The following TAS2R4 variants were observed in gnomAD, a reference collection of about 807,000 sequenced individuals.
TAS2R4 encodes taste 2 receptor member 4, also known as taste receptor type 2 member 4.
In TAS2R4, 18 loss-of-function variants were observed where a neutral mutation model predicts 14.3. The observed-to-expected ratio is 1.26, with a 90% CI of 0.87 to 1.86. The LOEUF (loss-of-function observed/expected upper bound fraction) is 1.86. TAS2R4 is among the 40% of genes most tolerant of loss of function. The pLI is 0.00. For synonymous variants in TAS2R4, 130 were observed against 138.5 expected, an observed-to-expected ratio of 0.94 and a Z score of 0.43; for missense variants, 306 against 342.7, an observed-to-expected ratio of 0.89 and a Z score of 0.85.
rs1257792836 is a variant in TAS2R4, at chr7:141,780,685, G to A, written c.*1297G>A. On this transcript the variant is annotated 3_prime_UTR_variant, in exon 1 of 1. Transcript: ENST00000247881. The stretch of plus-strand genomic sequence containing the variant: ...GGCTCCAAAAGAACAACAGTCTGAA[G>A]ATGGGATGTTGACAAGTTTTGGAAT... 6.6e-6 allele frequency: 1 copy of A among 152,192 alleles called. No homozygotes were observed. The highest frequency in any genetic ancestry group is 1.5e-5 in the Non-Finnish European group (1 of 68,040). The allele number at this position is 152,192 out of a possible 1,614,324, so 9.4% of individuals were successfully genotyped here.
Position 141,779,422 on chromosome 7 carries a change from G to C in TAS2R4, c.*34G>C. The C allele has an allele frequency of 6.5e-7, 1 of 1,542,256 alleles. No homozygotes were observed. Among genetic ancestry groups the C allele is most frequent in the Non-Finnish European group, 8.7e-7 (1 of 1,143,366 alleles). ...CAGTAAACAATACCTAGATTTACCT[G>C]ATGGTTTGGGGGCAAGATTTTCTGT... On this transcript the variant is annotated 3_prime_UTR_variant, in exon 1 of 1. Coordinates refer to ENST00000247881, the MANE Select transcript of TAS2R4 (RefSeq NM_016944.2).
At position 141,778,132 on chromosome 7, in the gene TAS2R4, A is replaced by G. The variant is rs1438309803; in HGVS notation, c.-357A>G. On this transcript the variant is annotated 5_prime_UTR_variant, in exon 1 of 1. Coordinates refer to ENST00000247881, the MANE Select transcript of TAS2R4 (RefSeq NM_016944.2). ...TTTACCGTAAAACATTGACAGAAAC[A>G]TTGCTGGACTCAAGCTCTCTGGTTT... is the stretch of plus-strand genomic sequence containing the variant. Among the ~76,000 whole-genome samples the G allele has an allele frequency of 6.6e-6, 1 of 152,206 alleles. No individual in the cohort carries two copies. Among genetic ancestry groups the G allele is most frequent in the African/African-American group, 2.4e-5 (1 of 41,456 alleles).
At position 141,779,206 on chromosome 7, in the gene TAS2R4, A is replaced by G. The variant is rs139008992; in HGVS notation, c.718A>G (p.Ile240Val). Residue 240 changes from isoleucine to valine, a missense_variant, in exon 1 of 1, where the codon ATT becomes GTT. Transcript: ENST00000247881. ...GATGGTCTATTTCCTCATCCTCTAC[A>G]TTCCATATTCAGTTGCTACCCTGGT... is the stretch of plus-strand genomic sequence containing the variant. Reference protein sequence around the residue: ...KLMVYFLILYIPYSVATLVQY... With the variant: ...KLMVYFLILYVPYSVATLVQY... 57 of 1,614,078 alleles carry G rather than the reference A, an allele frequency of 3.5e-5. No individual in the cohort carries two copies. In the African/African-American group the frequency reaches 5.1e-4, roughly 14 times the overall value.
In TAS2R4 at chr7:141,781,630, A is replaced by G. The variant is rs1800321499; in HGVS notation, c.*2242A>G. ...AAGAAAAGTCTAAAAGGAAATATAT[A>G]AAAATGTAAACAGTAATTATTTTAG... On this transcript the variant is annotated 3_prime_UTR_variant, in exon 1 of 1. Transcript: ENST00000247881. Among the ~76,000 whole-genome samples, 1 of 151,598 alleles carries G rather than the reference A, an allele frequency of 6.6e-6. No individual in the cohort carries two copies. Among genetic ancestry groups the G allele is most frequent in the Admixed American group, 6.7e-5 (1 of 14,926 alleles).
At position 141,781,588 on chromosome 7, in the gene TAS2R4, A is replaced by G. The variant is rs1800321104; in HGVS notation, c.*2200A>G. ...GTGGTATAATACCATTTTTTTTGGT[A>G]AAAATGTGTACATATGAAGAAAAGT... On this transcript the variant is annotated 3_prime_UTR_variant, in exon 1 of 1. Transcript: ENST00000247881. Among the ~76,000 whole-genome samples the G allele has an allele frequency of 6.6e-6, 1 of 151,808 alleles. No homozygotes were observed. The highest frequency in any genetic ancestry group is 2.4e-5 in the African/African-American group (1 of 41,396).
chr7:141,781,170 T>G lies in TAS2R4; in HGVS notation c.*1782T>G, dbSNP rs946923185. Among the ~76,000 whole-genome samples the G allele has an allele frequency of 6.6e-6, 1 of 152,218 alleles. No individual in the cohort carries two copies. The highest frequency in any genetic ancestry group is 2.4e-5 in the African/African-American group (1 of 41,456). On this transcript the variant is annotated 3_prime_UTR_variant, in exon 1 of 1. Transcript: ENST00000247881. ...TTCGGAGCAGTCCTACCTTCCCTTCTTTAATCTTTTCTTTGTTACTCCCTC... is the reference window on the plus strand; with the variant it reads ...TTCGGAGCAGTCCTACCTTCCCTTCGTTAATCTTTTCTTTGTTACTCCCTC...
rs2233990 is a variant in TAS2R4 at position 141,777,872 on chromosome 7, A to G, written c.-617A>G. On this transcript the variant is annotated 5_prime_UTR_variant, in exon 1 of 1. Transcript: ENST00000247881. ...TTGAGAAAGGTTTTCTCAAGGAGGT[A>G]TTGGGTCTTTGAACTTGATCTATTA... 6.6e-3 allele frequency among the ~76,000 whole-genome samples: 1,009 copies of G among 152,324 alleles called. 11 individuals are homozygous for G. Among genetic ancestry groups the G allele is most frequent in the East Asian group, 0.024 (127 of 5,186 alleles).
rs993220708 is a variant in TAS2R4, at chr7:141,781,665, A to G, written c.*2277A>G. Among the ~76,000 whole-genome samples the G allele has an allele frequency of 1.3e-5, 2 of 152,120 alleles. No individual in the cohort carries two copies. The highest frequency in any genetic ancestry group is 4.8e-5 in the African/African-American group (2 of 41,436). On this transcript the variant is annotated 3_prime_UTR_variant, in exon 1 of 1. Transcript: ENST00000247881. Reference sequence around the variant, plus strand: ...ACAGTAATTATTTTAGGTGGGAGGAATCAATAAATTTTTTTGTGTATTTCA... The same window carrying G: ...ACAGTAATTATTTTAGGTGGGAGGAGTCAATAAATTTTTTTGTGTATTTCA...
chr7:141,778,556 T>C lies in TAS2R4; in HGVS notation c.68T>C (p.Met23Thr), dbSNP rs1321208837. ...ATTTTAAATTTTGTAGGAATCATTA[T>C]GAATCTGTTTATTACAGTGGTCAAT... ...SVILNFVGII[M>T]NLFITVVNCK... Residue 23 changes from methionine to threonine, a missense_variant, in exon 1 of 1, where the codon ATG becomes ACG. By Grantham distance (81) the Met-to-Thr change is moderately conservative. Coordinates refer to ENST00000247881, the MANE Select transcript of TAS2R4 (RefSeq NM_016944.2). 6.2e-7 allele frequency: 1 copy of C among 1,614,170 alleles called. No individual in the cohort carries two copies. Among genetic ancestry groups the C allele is most frequent in the Admixed American group, 1.7e-5 (1 of 60,014 alleles).
Position 141,776,968 on chromosome 7 carries a change from T to TTAC in TAS2R4, c.-1518_-1516dup, listed in dbSNP as rs1380116580. Among the ~76,000 whole-genome samples, 1 of 152,202 alleles carries TTAC rather than the reference T, an allele frequency of 6.6e-6. No homozygotes were observed. ...TATAGTACATTCTAGATAGAGTTTG[T>TTAC]TACTATCTAATTCTGGGATTCCTGC... is the stretch of plus-strand genomic sequence containing the variant. On this transcript the variant is annotated 5_prime_UTR_variant, in exon 1 of 1. Transcript: ENST00000247881.
At position 141,779,233 on chromosome 7, in the gene TAS2R4, C is replaced by T. The variant is rs370122253; in HGVS notation, c.745C>T (p.Gln249Ter). Residue 249 changes from glutamine (Q) to a stop codon, truncating the protein, a stop_gained, in exon 1 of 1, where the codon CAG (glutamine) becomes TAG (stop). Coordinates refer to ENST00000247881, the MANE Select transcript of TAS2R4 (RefSeq NM_016944.2). LOFTEE classifies it high-confidence loss of function. ...YIPYSVATLV[Q>*]YLPFYAGMDM... ...TCCATATTCAGTTGCTACCCTGGTC[C>T]AGTATCTCCCCTTTTATGCAGGGAT... 22 of 1,614,200 alleles carry T rather than the reference C, an allele frequency of 1.4e-5. No individual in the cohort carries two copies. Among genetic ancestry groups the T allele is most frequent in the Non-Finnish European group, 1.9e-5 (22 of 1,180,036 alleles).
Position 141,778,735 on chromosome 7 carries a change from T to C in TAS2R4, c.247T>C (p.Phe83Leu). The change falls in exon 1 of 1, where the codon TTT becomes CTT. Residue 83 changes from phenylalanine (F) to leucine (L), a missense_variant. By Grantham distance (22) the Phe-to-Leu change is conservative. Transcript: ENST00000247881. ...GGAAAGGTCAGTCTACCTGTCTGCTTTTTTTGTGTTGTGTTTCATGTTTTT... is the reference window on the plus strand; with the variant it reads ...GGAAAGGTCAGTCTACCTGTCTGCTCTTTTTGTGTTGTGTTTCATGTTTTT... ...NTERSVYLSA[F>L]FVLCFMFLDS... 1.2e-6 allele frequency: 2 copies of C among 1,614,198 alleles called. No homozygotes were observed. The highest frequency in any genetic ancestry group is 1.7e-6 in the Non-Finnish European group (2 of 1,180,040).
rs1259306803 is a variant in TAS2R4, at chr7:141,777,018, T to C, written c.-1471T>C. Among the ~76,000 whole-genome samples, 3 of 152,238 alleles carry C rather than the reference T, an allele frequency of 2.0e-5. No individual in the cohort carries two copies. Among genetic ancestry groups the C allele is most frequent in the African/African-American group, 4.8e-5 (2 of 41,462 alleles). On this transcript the variant is annotated 5_prime_UTR_variant, in exon 1 of 1. The change abolishes an upstream ATG in the 5' untranslated region. Coordinates refer to ENST00000247881, the MANE Select transcript of TAS2R4 (RefSeq NM_016944.2). The stretch of plus-strand genomic sequence containing the variant: ...CTCTTTTGGCCACATTTATCTGTTA[T>C]GGCTTACTCTATATCATTTATTCTA...
At position 141,777,088 on chromosome 7, in the gene TAS2R4, C is replaced by T. The variant is rs185169305; in HGVS notation, c.-1401C>T. Among the ~76,000 whole-genome samples the T allele has an allele frequency of 6.6e-6, 1 of 152,334 alleles. No individual in the cohort carries two copies. Among genetic ancestry groups the T allele is most frequent in the Admixed American group, 6.5e-5 (1 of 15,302 alleles). On this transcript the variant is annotated 5_prime_UTR_variant, in exon 1 of 1. It introduces an in-frame stop codon into an upstream open reading frame of the 5' UTR. Transcript: ENST00000247881. ...ATATTTCAACTTCACCACTTTAATGCAGCCATCTATGGATAAGTAATTGGA... is the reference window on the plus strand; with the variant it reads ...ATATTTCAACTTCACCACTTTAATGTAGCCATCTATGGATAAGTAATTGGA...
rs949306380 is a variant in TAS2R4, at chr7:141,777,075, C to T, written c.-1414C>T. On this transcript the variant is annotated 5_prime_UTR_variant, in exon 1 of 1. Transcript: ENST00000247881. ...TGTGATGTTAGTAATATTTCAACTT[C>T]ACCACTTTAATGCAGCCATCTATGG... Among the ~76,000 whole-genome samples, 1 of 152,176 alleles carries T rather than the reference C, an allele frequency of 6.6e-6. No individual in the cohort carries two copies. Among genetic ancestry groups the T allele is most frequent in the Non-Finnish European group, 1.5e-5 (1 of 68,032 alleles).
At position 141,779,499 on chromosome 7, in the gene TAS2R4, ACAT is replaced by A; in HGVS notation, c.*115_*117del. 9.1e-7 allele frequency: 1 copy of A among 1,094,114 alleles called. No homozygotes were observed. The highest frequency in any genetic ancestry group is 3.1e-5 in the Admixed American group (1 of 32,536). The allele number at this position is 1,094,114 out of a possible 1,614,324, so 67.8% of individuals were successfully genotyped here. A position where few individuals can be genotyped will look rare whatever the true frequency, so the allele number is the denominator to read the frequency against. On this transcript the variant is annotated 3_prime_UTR_variant, in exon 1 of 1. Transcript: ENST00000247881. ...ATTCAGTTTTGTGATTGCTGATCTG[ACAT>A]CATAGGCTTTTGAGTGCCTGAATTT...
At position 141,776,809 on chromosome 7, in the gene TAS2R4, C is replaced by T. The variant is rs1728749370; in HGVS notation, c.-1680C>T. Among the ~76,000 whole-genome samples, 1 of 152,102 alleles carries T rather than the reference C, an allele frequency of 6.6e-6. No individual in the cohort carries two copies. Among genetic ancestry groups the T allele is most frequent in the African/African-American group, 2.4e-5 (1 of 41,414 alleles). On this transcript the variant is annotated 5_prime_UTR_variant, in exon 1 of 1. Transcript: ENST00000247881. ...TTCTCATGCATAGGGAGAAAGGGTTCTGCTAACACTTTTCCTATACTGACC... is the reference window on the plus strand; with the variant it reads ...TTCTCATGCATAGGGAGAAAGGGTTTTGCTAACACTTTTCCTATACTGACC...
chr7:141,777,588 C>T lies in TAS2R4; in HGVS notation c.-901C>T, dbSNP rs1437898633. 3.9e-5 allele frequency among the ~76,000 whole-genome samples: 6 copies of T among 152,168 alleles called. No homozygotes were observed. The highest frequency in any genetic ancestry group is 3.3e-4 in the Admixed American group (5 of 15,282). On this transcript the variant is annotated 5_prime_UTR_variant, in exon 1 of 1. Transcript: ENST00000247881. ...ACAGAGAAATCCAGCAATGAGATGC[C>T]TAGCTGTTTGGCTCACAAAACTACA...
chr7:141,778,329 A>G lies in TAS2R4; in HGVS notation c.-160A>G, dbSNP rs1800269537. 8.0e-6 allele frequency: 5 copies of G among 628,350 alleles called. No individual in the cohort carries two copies. In the South Asian group the frequency reaches 1.1e-4, roughly 13 times the overall value. The allele number at this position is 628,350 out of a possible 1,614,324, so 38.9% of individuals were successfully genotyped here. A position where few individuals can be genotyped will look rare whatever the true frequency, so the allele number is the denominator to read the frequency against. On this transcript the variant is annotated 5_prime_UTR_variant, in exon 1 of 1. Coordinates refer to ENST00000247881, the MANE Select transcript of TAS2R4 (RefSeq NM_016944.2). ...CTTGGAAGATTTGCATCTCAGTAAA[A>G]TCAGGTGGCCCTTGATCATGAATGG...
Sources: allele counts gnomAD v4.1 joint callset (sites outside exome capture counted in the v4.1 genomes callset), GRCh38; gene constraint gnomAD v4.1.1; transcripts MANE v1.5; gene names NCBI Gene and HGNC (gene_info 2026-07-23, HGNC 2026-07-21).